GRIK3: variants seen among roughly 807,000 people sequenced by gnomAD.
GRIK3 encodes the protein glutamate ionotropic receptor kainate type subunit 3.
A neutral mutation model predicts 102.5 loss-of-function variants in GRIK3; 29 were observed. That is an observed-to-expected ratio of 0.28 (90% CI 0.21 to 0.39). The LOEUF (loss-of-function observed/expected upper bound fraction) is 0.39, where lower values mean the gene tolerates loss of function less well. Among genes scored for constraint, GRIK3 ranks in the 10% least tolerant of loss-of-function variants. The pLI, the probability that GRIK3 is intolerant of heterozygous loss-of-function variation, is 1.00. For missense variants in GRIK3, 908 were observed against 1,252.4 expected, an observed-to-expected ratio of 0.73 and a Z score of 4.15; for synonymous variants, 511 against 504.9, an observed-to-expected ratio of 1.01 and a Z score of -0.16.
intron 1 of GRIK3, among the ~76,000 whole-genome samples, chr1:36,994,526 T>C (rs1642397352): frequency 6.6e-6 from 1 of 152,372 alleles, no homozygotes; most frequent in South Asian, 2.1e-4. Flanking sequence ...CAAGTTCATC[T>C]GTGGAACACT....
At position 36,859,827 on chromosome 1, in the gene GRIK3, T is replaced by G. The variant is rs751315551; in HGVS notation, c.960+17A>C. On this transcript the variant is annotated intron_variant, in intron 6 of 15. Coordinates refer to ENST00000373091, the MANE Select transcript of GRIK3 (RefSeq NM_000831.4). Reference sequence around the variant, plus strand: ...AGGTGGGAAGCCCCTGGAATTCACCTCACCCAGCCGCCTTACCATCATCAC... The same window carrying G: ...AGGTGGGAAGCCCCTGGAATTCACCGCACCCAGCCGCCTTACCATCATCAC... 3 of 1,605,996 alleles carry G rather than the reference T, an allele frequency of 1.9e-6. No homozygotes were observed. In the Admixed American group the frequency reaches 5.0e-5, roughly 27 times the overall value.
At chr1:36,953,073 A>G (rs953465051) in intron 1 of GRIK3, among the ~76,000 whole-genome samples, 1 of 152,224 alleles carries the variant, frequency 6.6e-6, no homozygotes, top group African/African-American at 2.4e-5. Flanking sequence ...GACTGTGCTC[A>G]AGTGCCCTTT....
Position 36,819,635 on chromosome 1 carries a change from A to G in GRIK3, c.1873+101T>C, listed in dbSNP as rs1642675306. On this transcript the variant is annotated intron_variant, in intron 12 of 15. Coordinates refer to ENST00000373091, the MANE Select transcript of GRIK3 (RefSeq NM_000831.4). The surrounding 1 kb of genome is among the most constrained non-coding windows in gnomAD (Gnocchi z 4.1). Reference sequence around the variant, plus strand: ...TGCCGGCTCATCAGGGTCTGAGGCTACCCCTAGAGGTGTGGGCTGGCTCTG... The same window carrying G: ...TGCCGGCTCATCAGGGTCTGAGGCTGCCCCTAGAGGTGTGGGCTGGCTCTG... The G allele has an allele frequency of 1.4e-5, 10 of 706,260 alleles. No individual in the cohort carries two copies. In the East Asian group the frequency reaches 2.6e-4, roughly 18 times the overall value. The allele number at this position is 706,260 out of a possible 1,614,324, so 43.7% of individuals were successfully genotyped here. A position where few individuals can be genotyped will look rare whatever the true frequency, so the allele number is the denominator to read the frequency against.
rs557468404 is a variant in GRIK3 at position 36,835,058 on chromosome 1, C to A, written c.1530+6678G>T. On this transcript the variant is annotated intron_variant, in intron 10 of 15. Coordinates refer to ENST00000373091, the MANE Select transcript of GRIK3 (RefSeq NM_000831.4). ...TGATCAAAATCTTAATGAAATATCA[C>A]TTGTCTGATTCATTGTTTGCCCCCG... Among the ~76,000 whole-genome samples the A allele has an allele frequency of 4.5e-4, 68 of 152,362 alleles. 1 individual carries two copies. Among genetic ancestry groups the A allele is most frequent in the African/African-American group, 1.6e-3 (65 of 41,582 alleles).
Position 36,835,615 on chromosome 1 carries a change from T to C in GRIK3, c.1530+6121A>G, listed in dbSNP as rs80049137. ...TAATGGCATAATCCCCTGCCTCAGG[T>C]TCTGCTCTGCAGGCTCCCAGGCTGA... is the stretch of plus-strand genomic sequence containing the variant. On this transcript the variant is annotated intron_variant, in intron 10 of 15. Transcript: ENST00000373091. Among the ~76,000 whole-genome samples the C allele has an allele frequency of 9.2e-3, 1,408 of 152,280 alleles. 19 individuals carry two copies. The highest frequency in any genetic ancestry group is 0.032 in the African/African-American group (1,339 of 41,544).
intron 9 of GRIK3, among the ~76,000 whole-genome samples, chr1:36,848,054 G>A (rs1640537756): frequency 6.6e-6 from 1 of 152,244 alleles, no homozygotes; most frequent in Non-Finnish European, 1.5e-5. Context: ...GAAGCTGCAA[G>A]TATTGACAGA....
Position 36,948,697 on chromosome 1 carries a change from A to G in GRIK3, c.116-57601T>C, listed in dbSNP as rs115864123. 4.5e-3 allele frequency among the ~76,000 whole-genome samples: 688 copies of G among 152,294 alleles called. 2 individuals carry two copies. Among genetic ancestry groups the G allele is most frequent in the African/African-American group, 0.014 (601 of 41,552 alleles). On this transcript the variant is annotated intron_variant, in intron 1 of 15. Transcript: ENST00000373091. ...AGCTCCATGCCGGCTCCTCACCAGC[A>G]AGGCCCAGTGTAGGAACCCAGGTCA... is the stretch of plus-strand genomic sequence containing the variant.
intron 10 of GRIK3, among the ~76,000 whole-genome samples, chr1:36,832,764 G>C (rs1202751397): frequency 1.3e-5 from 2 of 152,176 alleles, no homozygotes; most frequent in African/African-American, 4.8e-5. Flanking sequence ...CCCCATAGGG[G>C]TCCCCAGGTT....
chr1:36,904,091 G>A lies in GRIK3; in HGVS notation c.116-12995C>T, dbSNP rs530558680. On this transcript the variant is annotated intron_variant, in intron 1 of 15. Coordinates refer to ENST00000373091, the MANE Select transcript of GRIK3 (RefSeq NM_000831.4). ...GGCAGGGGGTATATGGGAAATCTCC[G>A]TGCCTTCCACTCAGTTTTTGCTGTG... 1.2e-4 allele frequency among the ~76,000 whole-genome samples: 19 copies of A among 152,278 alleles called. No homozygotes were observed. The East Asian group carries it at 3.3e-3, about 26-fold the overall frequency.
chr1:36,871,104 T>A (rs1434265721), intron 4 of GRIK3, among the ~76,000 whole-genome samples: 1 of 152,030 alleles, frequency 6.6e-6, no homozygotes, highest in African/African-American at 2.4e-5. Context: ...CACTGAAGCC[T>A]CCATAATGGT....
At chr1:37,011,004 G>A (rs1642590477) in intron 1 of GRIK3, among the ~76,000 whole-genome samples, 1 of 152,214 alleles carries the variant, frequency 6.6e-6, no homozygotes, top group Admixed American at 6.5e-5. Flanking sequence ...GCCTCCCAAA[G>A]TGCTGGGATT....
chr1:36,884,991 A>C (rs1401454983), intron 2 of GRIK3, among the ~76,000 whole-genome samples: 2 of 152,232 alleles, frequency 1.3e-5, no homozygotes, highest in Non-Finnish European at 2.9e-5. Context: ...GTGTTCTTCA[A>C]AGAAGTGACT....
intron 1 of GRIK3, among the ~76,000 whole-genome samples, chr1:36,958,199 C>T (rs548484493): frequency 7.3e-4 from 74 of 101,028 alleles, no homozygotes; most frequent in African/African-American, 2.9e-3. Context: ...AGTCTGTGTG[C>T]CCTGTGAGTC....
chr1:36,856,858 T>C (rs1640658601), intron 7 of GRIK3, among the ~76,000 whole-genome samples: 1 of 151,914 alleles, frequency 6.6e-6, no homozygotes, highest in African/African-American at 2.4e-5. Context: ...AGGGTGGGTG[T>C]CCCTGAAACA....
chr1:36,907,786 A>G (rs941229537), intron 1 of GRIK3, among the ~76,000 whole-genome samples: 2 of 152,124 alleles, frequency 1.3e-5, no homozygotes, highest in Non-Finnish European at 2.9e-5. Flanking sequence ...TGGGACATCC[A>G]AGCAGCAAAT....
rs1277571708 is a variant in GRIK3 at position 36,841,909 on chromosome 1, C to T, written c.1357G>A (p.Asp453Asn). ...EEPFVMFRKS[D>N]RTLYGNDRFE... ...CGGTCATTCCCGTATAGCGTCCTGT[C>T]TGATTTCCGAAACATGACGAAGGGC... The change falls in exon 10 of 16, where the codon GAC becomes AAC. Residue 453 changes from aspartate to asparagine, a missense_variant. Asp to Asn is a conservative substitution (Grantham distance 23, BLOSUM62 1). Coordinates refer to ENST00000373091, the MANE Select transcript of GRIK3 (RefSeq NM_000831.4). The T allele has an allele frequency of 6.2e-7, 1 of 1,614,110 alleles. No homozygotes were observed. The highest frequency in any genetic ancestry group is 1.3e-5 in the African/African-American group (1 of 74,950).
At chr1:37,018,827 GA>G (rs11295744) in intron 1 of GRIK3, among the ~76,000 whole-genome samples, 2,250 of 150,730 alleles carry the variant, frequency 0.015, 46 homozygotes, top group East Asian at 0.065. Context: ...TTGTCTCCAT[GA>G]AAAAAAAACT....
Position 37,026,546 on chromosome 1 carries a change from A to G in GRIK3, c.115+7448T>C, listed in dbSNP as rs1642766121. On this transcript the variant is annotated intron_variant, in intron 1 of 15. Coordinates refer to ENST00000373091, the MANE Select transcript of GRIK3 (RefSeq NM_000831.4). ...TCCTAAAATTTATTAAGCATCGGGC[A>G]CTATGCAAAGAGCTTTACGTACTTT... is the stretch of plus-strand genomic sequence containing the variant. Among the ~76,000 whole-genome samples, 3 of 152,254 alleles carry G rather than the reference A, an allele frequency of 2.0e-5. No individual in the cohort carries two copies. In the South Asian group the frequency reaches 6.2e-4, roughly 32 times the overall value.
chr1:36,887,775 T>A (rs1367871395), intron 2 of GRIK3, among the ~76,000 whole-genome samples: 2 of 89,612 alleles, frequency 2.2e-5, no homozygotes, highest in Admixed American at 1.4e-4. Flanking sequence ...AAAAAAAATA[T>A]ATATATATAT....
Sources: allele counts gnomAD v4.1 joint callset (sites outside exome capture counted in the v4.1 genomes callset), GRCh38; gene constraint gnomAD v4.1.1; non-coding constraint Gnocchi (gnomAD v3.1); transcripts MANE v1.5; gene names NCBI Gene and HGNC (gene_info 2026-07-23, HGNC 2026-07-21).